The following TP53BP1 variants were observed in gnomAD, a reference collection of about 807,000 sequenced individuals.
TP53BP1 encodes the protein tumor protein p53 binding protein 1.
Under a neutral mutation model 200.8 loss-of-function variants are expected in TP53BP1, and 61 were observed. The observed-to-expected ratio is 0.30, with a 90% CI of 0.25 to 0.38. TP53BP1 has a LOEUF of 0.38. Ranked by LOEUF, TP53BP1 falls within the 10% of genes least tolerant of loss-of-function variation. TP53BP1 has a pLI of 1.00. For synonymous variants in TP53BP1, 822 were observed against 844.3 expected (o/e 0.97, Z 0.46); for missense variants, 2,144 against 2,371.9 (o/e 0.90, Z 2.00).
chr15:43,510,207 A>G (rs1283785508), intron 1 of TP53BP1, among the ~76,000 whole-genome samples: 3 of 151,956 alleles, frequency 2.0e-5, no homozygotes, highest in Non-Finnish European at 4.4e-5. Flanking sequence ...CAGTCTCCTG[A>G]GGGAGACCCA....
intron 13 of TP53BP1, chr15:43,446,889 G>C (rs2046053518): frequency 3.1e-6 from 3 of 975,934 alleles, no homozygotes; most frequent in Non-Finnish European, 3.0e-6. Context: ...ACTCCAGACG[G>C]CATGATTGTT....
Position 43,491,648 on chromosome 15 carries a change from AC to A in TP53BP1, c.371+20del. ...CAAATCTGATAATACATTTAAATAA[AC>A]CCCTTCAAACACTGTATACCTGCTT... is the stretch of plus-strand genomic sequence containing the variant. On this transcript the variant is annotated intron_variant, in intron 4 of 27. Coordinates refer to ENST00000382044, the MANE Select transcript of TP53BP1 (RefSeq NM_001141980.3). 6.4e-7 allele frequency: 1 copy of A among 1,558,482 alleles called. No individual in the cohort carries two copies. Among genetic ancestry groups the A allele is most frequent in the Non-Finnish European group, 8.9e-7 (1 of 1,129,638 alleles).
At chr15:43,418,111 C>T (rs544769777) in intron 21 of TP53BP1, among the ~76,000 whole-genome samples, 27 of 141,912 alleles carry the variant, frequency 1.9e-4, no homozygotes, top group African/African-American at 5.8e-4. Flanking sequence ...ACACCAGAGG[C>T]GGAGGTTGCA....
intron 18 of TP53BP1, among the ~76,000 whole-genome samples, chr15:43,425,833 A>C (rs962623094): frequency 6.6e-6 from 1 of 152,228 alleles, no homozygotes; most frequent in African/African-American, 2.4e-5. Context: ...CGGGAGGCTG[A>C]GGCAGGCGGA....
chr15:43,423,529 C>T (rs1366316506), intron 18 of TP53BP1, among the ~76,000 whole-genome samples: 1 of 151,904 alleles, frequency 6.6e-6, no homozygotes, highest in East Asian at 1.9e-4. Context: ...TGGTGGTGCA[C>T]TCCTGTACTC....
At chr15:43,510,204 C>CT in intron 1 of TP53BP1, among the ~76,000 whole-genome samples, 1 of 151,986 alleles carries the variant, frequency 6.6e-6, no homozygotes, top group Non-Finnish European at 1.5e-5. Context: ...CAACAGTCTC[C>CT]TGAGGGAGAC....
Position 43,492,918 on chromosome 15 carries a change from C to T in TP53BP1, c.7+119G>A. The T allele has an allele frequency of 2.0e-5, 17 of 847,790 alleles. 1 individual carries two copies. The South Asian group carries it at 2.5e-4, about 12-fold the overall frequency. The allele number at this position is 847,790 out of a possible 1,614,324, so 52.5% of individuals were successfully genotyped here. A position where few individuals can be genotyped will look rare whatever the true frequency, so the allele number is the denominator to read the frequency against. Reference sequence around the variant, plus strand: ...CCACCCCCTCCTTAGGGCCCTCCAACCCCTTCCCCGTCACCGCCGCCATGC... The same window carrying T: ...CCACCCCCTCCTTAGGGCCCTCCAATCCCTTCCCCGTCACCGCCGCCATGC... On this transcript the variant is annotated intron_variant, in intron 1 of 27. Transcript: ENST00000382044.
chr15:43,465,829 T>C (rs548553901), intron 11 of TP53BP1, among the ~76,000 whole-genome samples: 4 of 152,202 alleles, frequency 2.6e-5, no homozygotes, highest in Non-Finnish European at 5.9e-5. Flanking sequence ...TGTTTTGTTT[T>C]GTTTTGGTAC....
rs1489366271 is a variant in TP53BP1 at position 43,426,013 on chromosome 15, C to T, written c.3828+2003G>A. 2.8e-5 allele frequency among the ~76,000 whole-genome samples: 4 copies of T among 144,340 alleles called. No homozygotes were observed. In the Admixed American group the frequency reaches 2.8e-4, roughly 10 times the overall value. 94.7% of individuals were successfully genotyped at this position (144,340 alleles called of 152,430 possible). A position where few individuals can be genotyped will look rare whatever the true frequency, so the allele number is the denominator to read the frequency against. Reference sequence around the variant, plus strand: ...CCAGGAGGCGGAGCTTGCAGTGAGCCGAGGTAGCGCCACTGCACCCCAGCC... The same window carrying T: ...CCAGGAGGCGGAGCTTGCAGTGAGCTGAGGTAGCGCCACTGCACCCCAGCC... On this transcript the variant is annotated intron_variant, in intron 18 of 27. Transcript: ENST00000382044.
In TP53BP1 at chr15:43,404,282, G is replaced by A; in HGVS notation, c.*3101C>T. 1 of 1,051,056 alleles carries A rather than the reference G, an allele frequency of 9.5e-7. No individual in the cohort carries two copies. Among genetic ancestry groups the A allele is most frequent in the Non-Finnish European group, 1.4e-6 (1 of 735,846 alleles). The allele number at this position is 1,051,056 out of a possible 1,614,324, so 65.1% of individuals were successfully genotyped here. ...TTTAGGAACTAATAGAAATAGGAATGTGGGAAGGCCAGGTGGTTCTGTAGA... is the reference window on the plus strand; with the variant it reads ...TTTAGGAACTAATAGAAATAGGAATATGGGAAGGCCAGGTGGTTCTGTAGA... On this transcript the variant is annotated 3_prime_UTR_variant, in exon 28 of 28. Transcript: ENST00000382044.
rs2142907432 is a variant in TP53BP1 at position 43,405,238 on chromosome 15, A to G, written c.*2145T>C. ...GAAAATTTCTGGCTCATAAATTGAA[A>G]TAACAGCCACGTTCCCAAGGTTGTA... is the stretch of plus-strand genomic sequence containing the variant. On this transcript the variant is annotated 3_prime_UTR_variant, in exon 28 of 28. Transcript: ENST00000382044. 1 of 1,613,882 alleles carries G rather than the reference A, an allele frequency of 6.2e-7. No individual in the cohort carries two copies. Among genetic ancestry groups the G allele is most frequent in the Non-Finnish European group, 8.5e-7 (1 of 1,179,760 alleles).
intron 12 of TP53BP1, among the ~76,000 whole-genome samples, chr15:43,454,484 C>G (rs2046247444): frequency 6.6e-6 from 1 of 151,806 alleles, no homozygotes; most frequent in Non-Finnish European, 1.5e-5. Flanking sequence ...CTGTCTCAGC[C>G]TCCCGAGTAG....
intron 24 of TP53BP1, 65 bp downstream of exon 24, chr15:43,413,054 A>T (rs1595521669): frequency 6.6e-7 from 1 of 1,515,818 alleles, no homozygotes; most frequent in East Asian, 2.3e-5. Context: ...CCACCAGCTC[A>T]TAAGTGACTG....
At chr15:43,442,136 A>G (rs1346439566) in intron 14 of TP53BP1, among the ~76,000 whole-genome samples, 26 of 133,768 alleles carry the variant, frequency 1.9e-4, no homozygotes, top group African/African-American at 7.0e-4. Flanking sequence ...CCCAGGCTGG[A>G]GTGCAGTGGC....
chr15:43,502,201 T>C (rs1398217479), intron 1 of TP53BP1, among the ~76,000 whole-genome samples: 1 of 152,036 alleles, frequency 6.6e-6, no homozygotes, highest in African/African-American at 2.4e-5. Flanking sequence ...CACCAGCCTG[T>C]AGTACCAGCT....
At chr15:43,489,603 T>G (rs2079093140) in intron 4 of TP53BP1, among the ~76,000 whole-genome samples, 1 of 152,220 alleles carries the variant, frequency 6.6e-6, no homozygotes, top group South Asian at 2.1e-4. Context: ...TGGCAAATCA[T>G]AGCACTAATG....
chr15:43,461,706 T>TC (rs1421480075), intron 11 of TP53BP1, among the ~76,000 whole-genome samples: 1 of 151,756 alleles, frequency 6.6e-6, no homozygotes, highest in African/African-American at 2.4e-5. Context: ...TCTTGTTCTG[T>TC]CACCCAGGCT....
At chr15:43,445,630 C>A (rs1233693976) in intron 14 of TP53BP1, among the ~76,000 whole-genome samples, 2 of 152,140 alleles carry the variant, frequency 1.3e-5, no homozygotes, top group Non-Finnish European at 1.5e-5. Flanking sequence ...ATGCAGATAC[C>A]TACTTGGGAG....
chr15:43,424,136 C>T (rs995723609), intron 18 of TP53BP1, among the ~76,000 whole-genome samples: 1 of 152,200 alleles, frequency 6.6e-6, no homozygotes, highest in African/African-American at 2.4e-5. Context: ...CCCAGTGCAT[C>T]TCACATCTCC....
Sources: gnomAD v4.1 joint callset for allele counts (sites outside exome capture counted in the v4.1 genomes callset) on GRCh38, gnomAD v4.1.1 for gene constraint, MANE v1.5 for transcripts, NCBI Gene and HGNC (gene_info 2026-07-23, HGNC 2026-07-21) for gene names.